DIAPH2: variants seen among roughly 807,000 people sequenced by gnomAD.
DIAPH2 encodes protein diaphanous homolog 2.
Under a neutral mutation model 92.7 loss-of-function variants are expected in DIAPH2, and 35 were observed. The ratio of observed to expected loss-of-function variants is 0.38; its 90% CI spans 0.29 to 0.50. The LOEUF is 0.50. Among genes scored for constraint, DIAPH2 ranks in the 20% least tolerant of loss-of-function variants. The pLI is 0.94. For synonymous variants in DIAPH2, 301 were observed against 280.4 expected, an observed-to-expected ratio of 1.07 and a Z score of -0.73; for missense variants, 701 against 819.5, an observed-to-expected ratio of 0.86 and a Z score of 1.77.
In DIAPH2 at chrX:96,739,072, C is replaced by G. The variant is rs149843003; in HGVS notation, c.342+310C>G. The stretch of plus-strand genomic sequence containing the variant: ...TTTTTCAGTTAACTGATTTGTGTGT[C>G]TGTTTCTACAAAGCAAAAGAGGCCT... On this transcript the variant is annotated intron_variant, in intron 3 of 26. Transcript: ENST00000324765. 1.5e-4 allele frequency among the ~76,000 whole-genome samples: 17 copies of G among 111,264 alleles called. No homozygotes were observed. The East Asian group carries it at 4.8e-3, about 31-fold the overall frequency.
chrX:97,343,192 A>G (rs2069126744), intron 23 of DIAPH2, among the ~76,000 whole-genome samples: 1 of 111,895 alleles, frequency 8.9e-6, no homozygotes, highest in Non-Finnish European at 1.9e-5. Flanking sequence ...AGTAGAGATG[A>G]TATGTAGACA....
chrX:97,384,367 A>AG (rs1447098313), intron 25 of DIAPH2, among the ~76,000 whole-genome samples: 1 of 111,918 alleles, frequency 8.9e-6, no homozygotes, highest in Non-Finnish European at 1.9e-5. Context: ...GGGTATGGGG[A>AG]GATAAGCCTT....
At chrX:97,158,600 A>G (rs1401073755) in intron 22 of DIAPH2, among the ~76,000 whole-genome samples, 3 of 112,291 alleles carry the variant, frequency 2.7e-5, no homozygotes, top group Non-Finnish European at 5.6e-5. Flanking sequence ...TGATTTTTTA[A>G]TTATTTGCAT....
intron 1 of DIAPH2, 69 bp from the exon 2 acceptor site, chrX:96,735,689 T>C (rs992901792): frequency 1.7e-6 from 1 of 589,653 alleles, no homozygotes; most frequent in African/African-American, 2.3e-5. Flanking sequence ...TAAATTATTT[T>C]ATTGTTTGAT....
intron 5 of DIAPH2, among the ~76,000 whole-genome samples, chrX:96,890,075 C>G (rs1483449266): frequency 2.7e-5 from 3 of 111,544 alleles, no homozygotes; most frequent in Non-Finnish European, 5.7e-5. Flanking sequence ...ACATGTTGTA[C>G]ATTACTCAGG....
chrX:97,244,920 C>T (rs1405809172), intron 22 of DIAPH2, among the ~76,000 whole-genome samples: 2 of 110,794 alleles, frequency 1.8e-5, no homozygotes, highest in Non-Finnish European at 3.8e-5. Flanking sequence ...GAAACCCCGT[C>T]TCTACTAAAA....
intron 4 of DIAPH2, among the ~76,000 whole-genome samples, chrX:96,792,799 GT>G (rs1465623046): frequency 8.9e-6 from 1 of 111,895 alleles, no homozygotes; most frequent in African/African-American, 3.2e-5. Context: ...AATTTCAATA[GT>G]ATGTAAATTT....
intron 26 of DIAPH2, among the ~76,000 whole-genome samples, chrX:97,501,160 T>C (rs750449025): frequency 9.1e-6 from 1 of 110,110 alleles, no homozygotes; most frequent in African/African-American, 3.3e-5. Flanking sequence ...ATTTGAGTAC[T>C]CTTTTTACGT....
At chrX:97,503,188 G>C (rs2070810435) in intron 26 of DIAPH2, among the ~76,000 whole-genome samples, 1 of 112,081 alleles carries the variant, frequency 8.9e-6, no homozygotes, top group Non-Finnish European at 1.9e-5. Flanking sequence ...TTTACTAAGT[G>C]CTGAGGATAC....
At chrX:97,501,029 T>G (rs2070794543) in intron 26 of DIAPH2, among the ~76,000 whole-genome samples, 1 of 109,042 alleles carries the variant, frequency 9.2e-6, no homozygotes, top group Admixed American at 1.0e-4. Flanking sequence ...TTGTCTAAAA[T>G]GAATTTAGCA....
intron 21 of DIAPH2, among the ~76,000 whole-genome samples, chrX:97,125,339 G>A (rs1171439115): frequency 9.3e-6 from 1 of 107,808 alleles, no homozygotes; most frequent in Non-Finnish European, 1.9e-5. Flanking sequence ...CGGGCGTGGT[G>A]GCGGGCACCT....
chrX:97,583,967 T>C (rs1043733898), intron 26 of DIAPH2, among the ~76,000 whole-genome samples: 68 of 112,326 alleles, frequency 6.1e-4, no homozygotes, highest in Non-Finnish European at 8.3e-4. Context: ...TTTCTTTGAT[T>C]AGGAAAGGGA....
intron 5 of DIAPH2, among the ~76,000 whole-genome samples, chrX:96,902,263 G>T (rs944530796): frequency 1.8e-5 from 2 of 112,016 alleles, no homozygotes; most frequent in Non-Finnish European, 3.8e-5. Context: ...TTATGCAGTT[G>T]TTGGGAAGAA....
chrX:97,001,720 G>T (rs2066145894), intron 17 of DIAPH2, among the ~76,000 whole-genome samples: 1 of 111,732 alleles, frequency 8.9e-6, no homozygotes, highest in Admixed American at 9.5e-5. Flanking sequence ...GAGTGTATCA[G>T]TGTTGAATTC....
At chrX:97,410,970 G>A (rs867402302) in intron 25 of DIAPH2, among the ~76,000 whole-genome samples, 37 of 111,827 alleles carry the variant, frequency 3.3e-4, no homozygotes, top group Middle Eastern at 4.6e-3. Flanking sequence ...AACCAAGTTG[G>A]AAAACACTCT....
chrX:97,242,738 G>A (rs1210292241), intron 22 of DIAPH2, among the ~76,000 whole-genome samples: 1 of 110,405 alleles, frequency 9.1e-6, no homozygotes, highest in East Asian at 2.8e-4. Flanking sequence ...TTGGGTCCGG[G>A]TGCAGAATGA....
chrX:97,343,754 CTT>C (rs1426433995), intron 23 of DIAPH2, among the ~76,000 whole-genome samples: 3 of 108,684 alleles, frequency 2.8e-5, no homozygotes, highest in East Asian at 5.7e-4. Context: ...AGAAAGAAAA[CTT>C]TTCATTTCTG....
At chrX:97,323,625 C>G (rs1352512463) in intron 23 of DIAPH2, among the ~76,000 whole-genome samples, 1 of 98,717 alleles carries the variant, frequency 1.0e-5, no homozygotes, top group South Asian at 5.0e-4. Context: ...GCTCAGGGAC[C>G]GGGTGCGGTG....
chrX:96,900,633 G>C (rs1195429998), intron 5 of DIAPH2, among the ~76,000 whole-genome samples: 1 of 111,095 alleles, frequency 9.0e-6, no homozygotes, highest in African/African-American at 3.3e-5. Flanking sequence ...TCCCTTCTGT[G>C]CCTCGGTTCT....
Sources: gnomAD v4.1 joint callset for allele counts (sites outside exome capture counted in the v4.1 genomes callset) on GRCh38, gnomAD v4.1.1 for gene constraint, MANE v1.5 for transcripts, NCBI Gene and HGNC (gene_info 2026-07-23, HGNC 2026-07-21) for gene names.